Variants in NEGR1 observed in about 807,000 individuals in gnomAD.
The protein encoded by NEGR1 is IgLON family member 4.
A neutral mutation model predicts 40.9 loss-of-function variants in NEGR1; 10 were observed. The observed-to-expected ratio is 0.24, with a 90% CI of 0.15 to 0.42. The LOEUF (loss-of-function observed/expected upper bound fraction) is 0.42. NEGR1 is among the 10% of genes least tolerant of loss of function. The pLI, the probability that NEGR1 is intolerant of heterozygous loss-of-function variation, is 1.00. For missense variants in NEGR1, 352 were observed against 438.9 expected, an observed-to-expected ratio of 0.80 and a Z score of 1.77; for synonymous variants, 185 against 166.8, an observed-to-expected ratio of 1.11 and a Z score of -0.84.
At chr1:72,140,010 A>T (rs548287598) in intron 1 of NEGR1, among the ~76,000 whole-genome samples, 1 of 152,170 alleles carries the variant, frequency 6.6e-6, no homozygotes, top group South Asian at 2.1e-4. Context: ...TGCCTAGAAT[A>T]ATCACACTAC....
chr1:72,036,133 T>A (rs943704584), intron 1 of NEGR1, among the ~76,000 whole-genome samples: 2 of 152,212 alleles, frequency 1.3e-5, no homozygotes, highest in African/African-American at 4.8e-5. Flanking sequence ...AATTACACTG[T>A]GATTTAGCAT....
chr1:71,452,077 CAA>C (rs1646633391), intron 6 of NEGR1, among the ~76,000 whole-genome samples: 2 of 152,142 alleles, frequency 1.3e-5, no homozygotes, highest in South Asian at 2.1e-4. Flanking sequence ...TACTATGAGA[CAA>C]AGAGTAGTTC....
intron 4 of NEGR1, among the ~76,000 whole-genome samples, chr1:71,623,343 C>G (rs932953383): frequency 4.6e-5 from 7 of 151,804 alleles, no homozygotes; most frequent in African/African-American, 1.4e-4. Flanking sequence ...TTTCACCCCC[C>G]CGCCATTTAT....
intron 1 of NEGR1, among the ~76,000 whole-genome samples, chr1:72,224,194 A>G (rs1654101985): frequency 7.7e-6 from 1 of 130,016 alleles, no homozygotes; most frequent in Admixed American, 7.4e-5. Context: ...ATGACATTCA[A>G]CATTTACTGT....
At chr1:71,742,092 G>T (rs142158867) in intron 3 of NEGR1, among the ~76,000 whole-genome samples, 3 of 152,154 alleles carry the variant, frequency 2.0e-5, no homozygotes, top group Admixed American at 1.3e-4. Flanking sequence ...TGGGGCTCTC[G>T]TAAGAGGATT....
chr1:72,045,666 C>A (rs942015485), intron 1 of NEGR1, among the ~76,000 whole-genome samples: 4 of 151,808 alleles, frequency 2.6e-5, no homozygotes, highest in African/African-American at 9.7e-5. Context: ...ATTCAATAAA[C>A]TTCTTTCTTT....
At chr1:72,088,447 T>A (rs1258689594) in intron 1 of NEGR1, among the ~76,000 whole-genome samples, 1 of 152,126 alleles carries the variant, frequency 6.6e-6, no homozygotes, top group Non-Finnish European at 1.5e-5. Flanking sequence ...GCTCATATGG[T>A]GCATTTCAGA....
At chr1:71,937,534 C>G (rs1391013090) in intron 1 of NEGR1, among the ~76,000 whole-genome samples, 1 of 152,144 alleles carries the variant, frequency 6.6e-6, no homozygotes, top group Non-Finnish European at 1.5e-5. Flanking sequence ...AGCTCTTGAT[C>G]ACTAGAAAAT....
chr1:71,420,373 C>G (rs1055404778), intron 6 of NEGR1, among the ~76,000 whole-genome samples: 1 of 151,936 alleles, frequency 6.6e-6, no homozygotes, highest in African/African-American at 2.4e-5. Flanking sequence ...CACCAGTAAT[C>G]ACATTATTTA....
intron 4 of NEGR1, among the ~76,000 whole-genome samples, chr1:71,617,148 C>T (rs369848156): frequency 2.6e-4 from 39 of 152,330 alleles, no homozygotes; most frequent in African/African-American, 8.7e-4. Context: ...GCATGATTCT[C>T]GTGACTAACC....
intron 1 of NEGR1, among the ~76,000 whole-genome samples, chr1:72,240,314 G>A (rs2100512885): frequency 6.6e-6 from 1 of 151,918 alleles, no homozygotes; most frequent in Non-Finnish European, 1.5e-5. Context: ...CCTAATTAAA[G>A]AGGACCAAAG....
intron 6 of NEGR1, among the ~76,000 whole-genome samples, chr1:71,505,329 C>T (rs1199474999): frequency 6.6e-6 from 1 of 151,868 alleles, no homozygotes; most frequent in African/African-American, 2.4e-5. Flanking sequence ...GCTCTTTCGC[C>T]GGAGTGCAGT....
chr1:71,671,057 G>A (rs192036127), intron 4 of NEGR1, among the ~76,000 whole-genome samples: 13 of 151,870 alleles, frequency 8.6e-5, no homozygotes, highest in Non-Finnish European at 1.2e-4. Context: ...TTTAATATGC[G>A]AATTATAACT....
chr1:71,612,139 G>A (rs909586420), intron 4 of NEGR1, among the ~76,000 whole-genome samples: 6 of 152,138 alleles, frequency 3.9e-5, no homozygotes, highest in Non-Finnish European at 7.3e-5. Flanking sequence ...GGAGAATGGC[G>A]TGAACCCAGG....
intron 6 of NEGR1, among the ~76,000 whole-genome samples, chr1:71,551,687 T>A (rs918619921): frequency 3.3e-5 from 5 of 151,688 alleles, no homozygotes; most frequent in African/African-American, 9.6e-5. Flanking sequence ...GGCCAGGATG[T>A]CAGTTTCAAA....
At chr1:71,609,500 CCAAGA>C (rs1161263135) in intron 5 of NEGR1, among the ~76,000 whole-genome samples, 5 of 66,724 alleles carry the variant, frequency 7.5e-5, no homozygotes, top group Non-Finnish European at 1.4e-4. Context: ...GGGCGACAAA[CCAAGA>C]CTCCGTCTCA....
intron 3 of NEGR1, among the ~76,000 whole-genome samples, chr1:71,728,947 C>T (rs1654765157): frequency 6.6e-6 from 1 of 152,132 alleles, no homozygotes; most frequent in Non-Finnish European, 1.5e-5. Flanking sequence ...ATTAATGTGA[C>T]AGTGCATACC....
chr1:71,819,618 G>C (rs1658353161), intron 2 of NEGR1, among the ~76,000 whole-genome samples: 1 of 151,864 alleles, frequency 6.6e-6, no homozygotes, highest in African/African-American at 2.4e-5. Context: ...AAAGAAAAGA[G>C]AATCATCTTG....
rs1159895299 is a variant in NEGR1 at position 71,403,767 on chromosome 1, A to G, written c.*3679T>C. 2.7e-6 allele frequency: 1 copy of G among 367,892 alleles called. No homozygotes were observed. The allele number at this position is 367,892 out of a possible 1,614,324, so 22.8% of individuals were successfully genotyped here. On this transcript the variant is annotated 3_prime_UTR_variant, in exon 7 of 7. Coordinates refer to ENST00000357731, the MANE Select transcript of NEGR1 (RefSeq NM_173808.3). ...TGATAAACTGAGTTTATATTCACCTATTGGAAACAGTACAACATATTTTAC... is the reference window on the plus strand; with the variant it reads ...TGATAAACTGAGTTTATATTCACCTGTTGGAAACAGTACAACATATTTTAC...
Sources: gnomAD v4.1 joint callset for allele counts (sites outside exome capture counted in the v4.1 genomes callset) on GRCh38, gnomAD v4.1.1 for gene constraint, MANE v1.5 for transcripts, NCBI Gene and HGNC (gene_info 2026-07-23, HGNC 2026-07-21) for gene names.